Variants in ZNF423 observed in about 807,000 individuals in gnomAD.
ZNF423 encodes the protein Ebf-associated zinc finger protein.
A neutral mutation model predicts 95.8 loss-of-function variants in ZNF423; 12 were observed. That is an observed-to-expected ratio of 0.13 (90% CI 0.08 to 0.20). The LOEUF is 0.20. Among genes scored for constraint, ZNF423 ranks in the 10% least tolerant of loss-of-function variants. The pLI is 1.00. For missense variants in ZNF423, 1,316 were observed against 1,737.1 expected, an observed-to-expected ratio of 0.76 and a Z score of 4.31; for synonymous variants, 749 against 711.9, an observed-to-expected ratio of 1.05 and a Z score of -0.83.
intron 5 of ZNF423, among the ~76,000 whole-genome samples, chr16:49,605,001 G>A (rs1039757931): frequency 1.1e-4 from 16 of 152,172 alleles, no homozygotes; most frequent in South Asian, 6.2e-4. Flanking sequence ...CTTTTGCCTC[G>A]GATGCTGCCT....
chr16:49,786,770 C>G (rs1222047389), intron 2 of ZNF423, among the ~76,000 whole-genome samples: 2 of 152,234 alleles, frequency 1.3e-5, no homozygotes, highest in Non-Finnish European at 2.9e-5. Context: ...GCTCCAAGCT[C>G]TTTCCCTCAT....
chr16:49,744,408 T>C (rs944246062), intron 2 of ZNF423, among the ~76,000 whole-genome samples: 2 of 150,814 alleles, frequency 1.3e-5, no homozygotes, highest in African/African-American at 2.4e-5. Flanking sequence ...GTCCCCAGGC[T>C]GAGCACACAC....
chr16:49,608,190 G>A lies in ZNF423; in HGVS notation c.3601+17980C>T, dbSNP rs373482144. 1.5e-4 allele frequency among the ~76,000 whole-genome samples: 23 copies of A among 152,302 alleles called. No homozygotes were observed. The East Asian group carries it at 2.3e-3, about 15-fold the overall frequency. On this transcript the variant is annotated intron_variant, in intron 5 of 7. Coordinates refer to ENST00000563137, the MANE Select transcript of ZNF423 (RefSeq NM_001379286.1). Reference sequence around the variant, plus strand: ...AGGAGGATAAAACCAGAGTGAGAAGGACCATCGGAGGGAAGAATATAAAAA... The same window carrying A: ...AGGAGGATAAAACCAGAGTGAGAAGAACCATCGGAGGGAAGAATATAAAAA...
chr16:49,656,726 T>G (rs1319065157), intron 3 of ZNF423, among the ~76,000 whole-genome samples: 2 of 152,240 alleles, frequency 1.3e-5, no homozygotes, highest in African/African-American at 2.4e-5. Context: ...CAATGATGTT[T>G]ATTAAGTGCC....
intron 3 of ZNF423, among the ~76,000 whole-genome samples, chr16:49,664,647 G>A (rs1180144926): frequency 2.7e-5 from 4 of 150,344 alleles, no homozygotes; most frequent in Middle Eastern, 3.2e-3. Context: ...GTGGGGGGAC[G>A]GCCCCTGGGA....
intron 5 of ZNF423, among the ~76,000 whole-genome samples, chr16:49,526,201 C>G (rs949618589): frequency 6.6e-6 from 1 of 152,136 alleles, no homozygotes; most frequent in Non-Finnish European, 1.5e-5. Context: ...CCTGTCAGCC[C>G]CTGGAGGACT....
At chr16:49,763,069 C>T (rs6500255) in intron 2 of ZNF423, among the ~76,000 whole-genome samples, 107,361 of 151,826 alleles carry the variant, frequency 0.71, 38,856 homozygotes, top group African/African-American at 0.86. Context: ...GGTCTTGCTA[C>T]GTCACCCAGG....
chr16:49,614,660 G>A (rs1231218136), intron 5 of ZNF423, among the ~76,000 whole-genome samples: 1 of 152,196 alleles, frequency 6.6e-6, no homozygotes, highest in Non-Finnish European at 1.5e-5. Context: ...TATCCTGGAT[G>A]TGATATTGTA....
chr16:49,718,042 C>T (rs1281995326), intron 3 of ZNF423, among the ~76,000 whole-genome samples: 1 of 152,156 alleles, frequency 6.6e-6, no homozygotes, highest in East Asian at 1.9e-4. Context: ...TACACAAGGG[C>T]AGGAACTGTT....
intron 3 of ZNF423, among the ~76,000 whole-genome samples, chr16:49,706,391 A>G (rs1024652250): frequency 6.6e-6 from 1 of 152,236 alleles, no homozygotes; most frequent in Non-Finnish European, 1.5e-5. Flanking sequence ...CCAATCAGAC[A>G]GACACGCTGG....
chr16:49,540,142 T>C (rs913826859), intron 5 of ZNF423, among the ~76,000 whole-genome samples: 3 of 152,204 alleles, frequency 2.0e-5, no homozygotes, highest in Admixed American at 6.5e-5. Context: ...GCCTCTAGAA[T>C]GCTGGCCTCA....
In ZNF423 at chr16:49,638,623, G is replaced by A; in HGVS notation, c.553C>T (p.His185Tyr). Residue 185 changes from histidine to tyrosine, a missense_variant, in exon 4 of 8, where the codon CAC becomes TAC. Coordinates refer to ENST00000563137, the MANE Select transcript of ZNF423 (RefSeq NM_001379286.1). The surrounding 1 kb of genome is among the most constrained non-coding windows in gnomAD (Gnocchi z 5.6). The stretch of plus-strand genomic sequence containing the variant: ...ATGTGCCGGTCACGGCTCCTCTTGT[G>A]CTTGAAGAGGCGGCTGCAGTAGGTG... ...KCTYCSRLFK[H>Y]KRSRDRHIKL... 1 of 1,613,970 alleles carries A rather than the reference G, an allele frequency of 6.2e-7. No homozygotes were observed.
At chr16:49,812,950 G>T (rs920655829) in intron 1 of ZNF423, among the ~76,000 whole-genome samples, 3 of 152,098 alleles carry the variant, frequency 2.0e-5, no homozygotes, top group African/African-American at 7.2e-5. Context: ...TGCTCCTTGT[G>T]CATTCATTAG....
chr16:49,671,894 A>C (rs1380658946), intron 3 of ZNF423, among the ~76,000 whole-genome samples: 1 of 152,112 alleles, frequency 6.6e-6, no homozygotes, highest in Non-Finnish European at 1.5e-5. Flanking sequence ...CATGTTGCCC[A>C]GGCTGGTCTC....
chr16:49,814,168 C>T (rs1313587144), intron 1 of ZNF423, among the ~76,000 whole-genome samples: 1 of 150,936 alleles, frequency 6.6e-6, no homozygotes, highest in African/African-American at 2.4e-5. Flanking sequence ...GGGTCAAGGC[C>T]ACAAGCCCAG....
intron 2 of ZNF423, among the ~76,000 whole-genome samples, chr16:49,739,280 A>G (rs185753601): frequency 7.2e-5 from 11 of 152,338 alleles, no homozygotes. Context: ...TTATGATTCA[A>G]ACCAACATGT....
rs771703239 is a variant in ZNF423, at chr16:49,636,252, C to T, written c.2924G>A (p.Arg975His). 16 of 1,612,796 alleles carry T rather than the reference C, an allele frequency of 9.9e-6. No homozygotes were observed. The Admixed American group carries it at 1.7e-4, about 17-fold the overall frequency. Reference protein sequence around the residue: ...KHYMCPICGERFPSLLTLTEH... With the variant: ...KHYMCPICGEHFPSLLTLTEH... ...GGTGAGCGTCAGCAGCGAAGGGAAG[C>T]GCTCACCACAGATGGGACACATGTA... The change falls in exon 4 of 8, where the codon CGC (arginine) becomes CAC (histidine). Residue 975 changes from arginine to histidine, a missense_variant. Arg to His is a conservative substitution (Grantham distance 29). Around this residue, in one of 6 missense-constraint regions of ZNF423, gnomAD observed 620 missense variants for 775.6 expected, o/e 0.80. Coordinates refer to ENST00000563137, the MANE Select transcript of ZNF423 (RefSeq NM_001379286.1). This position sits in a 1 kb window ranked among gnomAD's most constrained non-coding sequence, Gnocchi z 8.6.
chr16:49,547,400 C>G (rs1969478300), intron 5 of ZNF423, among the ~76,000 whole-genome samples: 2 of 152,262 alleles, frequency 1.3e-5, no homozygotes, highest in South Asian at 4.1e-4. Flanking sequence ...ACCACGTTAA[C>G]AAGAAGAGCC....
chr16:49,636,619 C>A lies in ZNF423; in HGVS notation c.2557G>T (p.Val853Leu). The A allele has an allele frequency of 6.2e-7, 1 of 1,613,912 alleles. No homozygotes were observed. The highest frequency in any genetic ancestry group is 8.5e-7 in the Non-Finnish European group (1 of 1,179,948). The part of the protein sequence containing the change: ...AATENGTANG[V>L]PPMATKKAEP... ...GCTTTCTTGGTGGCCATTGGGGGTA[C>A]CCCATTGGCCGTGCCGTTCTCGGTC... The change falls in exon 4 of 8, where the codon GTA (valine) becomes TTA (leucine). Residue 853 changes from valine (V) to leucine (L), a missense_variant. Val to Leu is a conservative substitution (Grantham distance 32). Around this residue, in one of 6 missense-constraint regions of ZNF423, gnomAD observed 620 missense variants for 775.6 expected, o/e 0.80. Transcript: ENST00000563137. This position sits in a 1 kb window ranked among gnomAD's most constrained non-coding sequence, Gnocchi z 8.6.
Sources: allele counts gnomAD v4.1 joint callset (sites outside exome capture counted in the v4.1 genomes callset), GRCh38; gene constraint gnomAD v4.1.1; regional missense constraint gnomAD v4.1.1; non-coding constraint Gnocchi (gnomAD v3.1); transcripts MANE v1.5; gene names NCBI Gene and HGNC (gene_info 2026-07-23, HGNC 2026-07-21).